The following FBXO16 variants were observed in gnomAD, a reference collection of about 807,000 sequenced individuals.
FBXO16 encodes F-box protein 16, also known as F-box only protein 16.
In FBXO16, 31 loss-of-function variants were observed where a neutral mutation model predicts 41.0. The observed-to-expected ratio is 0.76, with a 90% CI of 0.57 to 1.02. The LOEUF is 1.02. Ranked by LOEUF, FBXO16 falls within the 50% of genes least tolerant of loss-of-function variation. FBXO16 has a pLI of 0.00. For synonymous variants in FBXO16, 133 were observed against 117.8 expected, an observed-to-expected ratio of 1.13 and a Z score of -0.84; for missense variants, 361 against 346.2, an observed-to-expected ratio of 1.04 and a Z score of -0.34.
At chr8:28,432,333 GC>G (rs2130072980) in intron 7 of FBXO16, among the ~76,000 whole-genome samples, 2 of 152,080 alleles carry the variant, frequency 1.3e-5, no homozygotes, top group East Asian at 3.9e-4. Context: ...AATTAGCGGG[GC>G]GTGGTGGCGG....
At chr8:28,450,534 G>T (rs112703692) in intron 6 of FBXO16, among the ~76,000 whole-genome samples, 11 of 152,274 alleles carry the variant, frequency 7.2e-5, no homozygotes, top group African/African-American at 2.6e-4. Context: ...TCTACTTGGG[G>T]AAATGAGCTT....
chr8:28,432,839 C>G (rs1802628002), intron 7 of FBXO16, among the ~76,000 whole-genome samples: 1 of 152,054 alleles, frequency 6.6e-6, no homozygotes, highest in Non-Finnish European at 1.5e-5. Flanking sequence ...GGTGGATCAC[C>G]TAAGGTCAGG....
intron 3 of FBXO16, chr8:28,465,435 C>A (rs1004523447): frequency 1.1e-5 from 5 of 449,582 alleles, no homozygotes; most frequent in African/African-American, 1.0e-4. Context: ...CCAGCCCGAG[C>A]AACACCCCAT....
At chr8:28,478,389 G>T (rs1803455536) in intron 2 of FBXO16, among the ~76,000 whole-genome samples, 1 of 152,138 alleles carries the variant, frequency 6.6e-6, no homozygotes, top group South Asian at 2.1e-4. Context: ...ACCTGGCGGG[G>T]GTGGGTAGGC....
intron 1 of FBXO16, among the ~76,000 whole-genome samples, chr8:28,489,729 A>T (rs1197904835): frequency 6.6e-6 from 1 of 151,452 alleles, no homozygotes; most frequent in Non-Finnish European, 1.5e-5. Flanking sequence ...AAAAAAAAAA[A>T]CCCTTGTAGA....
rs778786541 is a variant in FBXO16 at position 28,456,915 on chromosome 8, T to A, written c.358A>T (p.Lys120Ter). ...CRCAQVCWHW[K>*]NLAELDQLWM... ...AGCTGGTCCAGCTCAGCAAGGTTCT[T>A]CCAATGCCAGCACACCTGGAAAAAC... The change falls in exon 5 of 9, where the codon AAG (lysine) becomes TAG (stop). Residue 120 changes from lysine to a stop codon, truncating the protein, a stop_gained. Coordinates refer to ENST00000380254, the MANE Select transcript of FBXO16 (RefSeq NM_172366.4). LOFTEE classifies it high-confidence loss of function. 6.2e-7 allele frequency: 1 copy of A among 1,613,294 alleles called. No individual in the cohort carries two copies. The highest frequency in any genetic ancestry group is 1.7e-5 in the Admixed American group (1 of 59,938).
At chr8:28,431,732 C>G (rs1357198969) in intron 7 of FBXO16, among the ~76,000 whole-genome samples, 1 of 152,204 alleles carries the variant, frequency 6.6e-6, no homozygotes, top group Non-Finnish European at 1.5e-5. Flanking sequence ...CCTCTATTCT[C>G]TGTGAGAATC....
chr8:28,456,601 T>A, intron 5 of FBXO16, 165 bp downstream of exon 5: 1 of 823,812 alleles, frequency 1.2e-6, no homozygotes, highest in East Asian at 2.5e-5. Flanking sequence ...CATGAATGTC[T>A]TGAAAACAAC....
intron 2 of FBXO16, among the ~76,000 whole-genome samples, chr8:28,483,112 T>TG (rs1222732222): frequency 2.0e-5 from 3 of 151,738 alleles, no homozygotes; most frequent in Non-Finnish European, 4.4e-5. Context: ...AAGGTGACAG[T>TG]GGGGGAAAGA....
At chr8:28,472,730 A>G (rs1379983905) in intron 3 of FBXO16, among the ~76,000 whole-genome samples, 1 of 152,118 alleles carries the variant, frequency 6.6e-6, no homozygotes, top group Non-Finnish European at 1.5e-5. Flanking sequence ...GGGCAACAAG[A>G]GCAAAACTCC....
intron 3 of FBXO16, among the ~76,000 whole-genome samples, chr8:28,468,144 A>G (rs901024232): frequency 2.9e-4 from 44 of 152,250 alleles, no homozygotes; most frequent in African/African-American, 1.0e-3. Flanking sequence ...AAATACCCCT[A>G]ACTGAGTAGC....
intron 2 of FBXO16, among the ~76,000 whole-genome samples, chr8:28,481,302 C>T (rs1563370779): frequency 6.6e-6 from 1 of 152,086 alleles, no homozygotes. Context: ...TAGGGGGTGA[C>T]TGCAGTGTAC....
intron 6 of FBXO16, among the ~76,000 whole-genome samples, chr8:28,451,994 C>CAA (rs753582333): frequency 5.2e-4 from 50 of 95,968 alleles, no homozygotes; most frequent in African/African-American, 1.4e-3. Context: ...GACTACGTCT[C>CAA]AAAAAAAAAA....
intron 2 of FBXO16, among the ~76,000 whole-genome samples, chr8:28,478,821 C>CAAA (rs35959759): frequency 3.4e-5 from 4 of 117,794 alleles, no homozygotes; most frequent in African/African-American, 3.2e-5. Context: ...ATTCTGTCTC[C>CAAA]AAAAAAAAAA....
intron 4 of FBXO16, among the ~76,000 whole-genome samples, chr8:28,460,860 G>A (rs1281289188): frequency 1.3e-5 from 2 of 151,898 alleles, no homozygotes; most frequent in Non-Finnish European, 2.9e-5. Flanking sequence ...TCAGCCTCCC[G>A]AGTAGTTGGG....
At position 28,463,760 on chromosome 8, in the gene FBXO16, C is replaced by A; in HGVS notation, c.194G>T (p.Cys65Phe). 1 of 1,614,094 alleles carries A rather than the reference C, an allele frequency of 6.2e-7. No individual in the cohort carries two copies. Among genetic ancestry groups the A allele is most frequent in the Non-Finnish European group, 8.5e-7 (1 of 1,179,980 alleles). ...GCAGAACTTTTGCTGGGACAGCGAGCAGCGCTCCAACAGGCCTGTGAGGAT... is the reference window on the plus strand; with the variant it reads ...GCAGAACTTTTGCTGGGACAGCGAGAAGCGCTCCAACAGGCCTGTGAGGAT... ...RRILTGLLERCSLSQQKFCCR... is the reference protein window; with the variant it reads ...RRILTGLLERFSLSQQKFCCR... The change falls in exon 4 of 9, where the codon TGC becomes TTC. Residue 65 changes from cysteine to phenylalanine, a missense_variant. Coordinates refer to ENST00000380254, the MANE Select transcript of FBXO16 (RefSeq NM_172366.4).
At chr8:28,432,979 T>G (rs1660486587) in intron 7 of FBXO16, among the ~76,000 whole-genome samples, 2 of 151,606 alleles carry the variant, frequency 1.3e-5, no homozygotes, top group Admixed American at 6.6e-5. Flanking sequence ...GAGAATCACT[T>G]GAACTTGGGA....
intron 4 of FBXO16, among the ~76,000 whole-genome samples, chr8:28,462,521 G>A (rs916456973): frequency 8.0e-5 from 12 of 149,236 alleles, no homozygotes; most frequent in African/African-American, 3.0e-4. Flanking sequence ...CTTGTGATCC[G>A]CCCGCCTCTG....
intron 4 of FBXO16, among the ~76,000 whole-genome samples, chr8:28,459,138 C>G (rs984334133): frequency 1.3e-5 from 2 of 152,052 alleles, no homozygotes; most frequent in African/African-American, 4.8e-5. Flanking sequence ...GAAGTTTAAC[C>G]CATGACCCCG....
Sources: gnomAD v4.1 joint callset for allele counts (sites outside exome capture counted in the v4.1 genomes callset) on GRCh38, gnomAD v4.1.1 for gene constraint, MANE v1.5 for transcripts, NCBI Gene and HGNC (gene_info 2026-07-23, HGNC 2026-07-21) for gene names.